FAM184B: variants seen among roughly 807,000 people sequenced by gnomAD.
FAM184B encodes family with sequence similarity 184 member B, also known as protein FAM184B.
Under a neutral mutation model 135.9 loss-of-function variants are expected in FAM184B, and 111 were observed. That is an observed-to-expected ratio of 0.82 (90% CI 0.70 to 0.96). FAM184B has a LOEUF of 0.96. Among genes scored for constraint, FAM184B ranks in the 40% least tolerant of loss-of-function variants. FAM184B has a pLI of 0.00. For missense variants in FAM184B, 1,375 were observed against 1,323.9 expected (o/e 1.04, Z -0.60); for synonymous variants, 552 against 524.8 (o/e 1.05, Z -0.71).
chr4:17,637,076 C>A (rs1715164953), intron 14 of FAM184B, among the ~76,000 whole-genome samples: 1 of 152,112 alleles, frequency 6.6e-6, no homozygotes, highest in Non-Finnish European at 1.5e-5. Context: ...GCCCAGGCTG[C>A]AGTGCAATGG....
intron 1 of FAM184B, among the ~76,000 whole-genome samples, chr4:17,767,327 C>T (rs1718722751): frequency 6.6e-6 from 1 of 152,220 alleles, no homozygotes; most frequent in Non-Finnish European, 1.5e-5. Context: ...AGCCCCGAGC[C>T]AGCTAGGGCT....
chr4:17,759,761 A>G (rs1718501796), intron 1 of FAM184B, among the ~76,000 whole-genome samples: 2 of 152,012 alleles, frequency 1.3e-5, no homozygotes, highest in Admixed American at 1.3e-4. Context: ...CTCCCAAAGT[A>G]CTGGGTTTAC....
At chr4:17,637,870 A>G (rs1715192850) in intron 14 of FAM184B, among the ~76,000 whole-genome samples, 1 of 152,096 alleles carries the variant, frequency 6.6e-6, no homozygotes, top group African/African-American at 2.4e-5. Flanking sequence ...AAGGCAAGTC[A>G]GGCCATGTCA....
chr4:17,664,586 CCTT>C lies in FAM184B; in HGVS notation c.1667_1669del (p.Glu556del). 6.4e-7 allele frequency: 1 copy of C among 1,551,644 alleles called. No individual in the cohort carries two copies. On this transcript the variant is annotated inframe_deletion, in exon 8 of 18. Coordinates refer to ENST00000265018, the MANE Select transcript of FAM184B (RefSeq NM_015688.2). Reference sequence around the variant, plus strand: ...CCTTTCTTCTTCATCACTGCTGGTTCCTTCTTCAGCTGCTAACTTATCTTGATA... The same window carrying C: ...CCTTTCTTCTTCATCACTGCTGGTTCCTTCAGCTGCTAACTTATCTTGATA...
At chr4:17,657,254 T>C (rs988376484) in intron 10 of FAM184B, among the ~76,000 whole-genome samples, 1 of 152,210 alleles carries the variant, frequency 6.6e-6, no homozygotes, top group African/African-American at 2.4e-5. Flanking sequence ...ATTTTCCACA[T>C]GGCCAAATCT....
chr4:17,632,840 T>G, intron 17 of FAM184B: 1 of 436,024 alleles, frequency 2.3e-6, no homozygotes. Context: ...GGTTCACCAT[T>G]GTTTGGTTCT....
At chr4:17,684,138 T>G (rs1469869262) in intron 7 of FAM184B, among the ~76,000 whole-genome samples, 1 of 119,324 alleles carries the variant, frequency 8.4e-6, no homozygotes, top group East Asian at 2.9e-4. Context: ...AATAATTATA[T>G]ATAAAATAAT....
rs772721882 is a variant in FAM184B at position 17,642,224 on chromosome 4, C to T, written c.2351G>A (p.Arg784Gln). Reference sequence around the variant, plus strand: ...GGAGCCGGCCTGGCCCGGGCCGCCCCGCTCCTGAGGAAGGCAACCAGGAGA... The same window carrying T: ...GGAGCCGGCCTGGCCCGGGCCGCCCTGCTCCTGAGGAAGGCAACCAGGAGA... ...SKDHIIATEE[R>Q]GGPGQAGSPP... The change falls in exon 13 of 18, where the codon CGG becomes CAG. Residue 784 changes from arginine to glutamine, a missense_variant. Coordinates refer to ENST00000265018, the MANE Select transcript of FAM184B (RefSeq NM_015688.2). 6.8e-5 allele frequency: 102 copies of T among 1,493,962 alleles called. No homozygotes were observed. In the South Asian group the frequency reaches 1.1e-3, roughly 17 times the overall value. 92.5% of individuals were successfully genotyped at this position (1,493,962 alleles called of 1,614,324 possible). A position where few individuals can be genotyped will look rare whatever the true frequency, so the allele number is the denominator to read the frequency against.
chr4:17,639,675 T>C (rs1172833502), intron 13 of FAM184B, among the ~76,000 whole-genome samples: 1 of 152,064 alleles, frequency 6.6e-6, no homozygotes, highest in African/African-American at 2.4e-5. Flanking sequence ...AGAGCAGCCC[T>C]GCAGGGGAGC....
chr4:17,642,911 C>T (rs1385593712), intron 12 of FAM184B, among the ~76,000 whole-genome samples: 1 of 152,168 alleles, frequency 6.6e-6, no homozygotes, highest in Non-Finnish European at 1.5e-5. Flanking sequence ...TTCCAGTTTT[C>T]AAATTCACTC....
At chr4:17,669,235 A>G (rs1478096234) in intron 7 of FAM184B, among the ~76,000 whole-genome samples, 1 of 152,162 alleles carries the variant, frequency 6.6e-6, no homozygotes, top group African/African-American at 2.4e-5. Flanking sequence ...AGAGGCTAAA[A>G]GGTCCTCCTG....
intron 11 of FAM184B, among the ~76,000 whole-genome samples, chr4:17,650,137 C>T (rs533154033): frequency 3.9e-5 from 6 of 151,914 alleles, no homozygotes; most frequent in African/African-American, 1.4e-4. Context: ...TCTGTCCCTC[C>T]ACCTGTCCAC....
chr4:17,723,194 T>A (rs1333414090), intron 1 of FAM184B, among the ~76,000 whole-genome samples: 1 of 152,254 alleles, frequency 6.6e-6, no homozygotes, highest in African/African-American at 2.4e-5. Context: ...ATGATAAATA[T>A]AAACATATTG....
At chr4:17,753,938 A>C (rs1718362761) in intron 1 of FAM184B, among the ~76,000 whole-genome samples, 1 of 152,236 alleles carries the variant, frequency 6.6e-6, no homozygotes, top group Admixed American at 6.5e-5. Context: ...CTAAGGGTAG[A>C]ATTTATGGTA....
intron 1 of FAM184B, among the ~76,000 whole-genome samples, chr4:17,726,084 C>T (rs1164650848): frequency 6.6e-6 from 1 of 151,754 alleles, no homozygotes; most frequent in Non-Finnish European, 1.5e-5. Context: ...CCACCACGCC[C>T]AGCTAATTTT....
chr4:17,714,519 C>T (rs1462521222), intron 1 of FAM184B, among the ~76,000 whole-genome samples: 1 of 152,116 alleles, frequency 6.6e-6, no homozygotes, highest in East Asian at 1.9e-4. Context: ...ATCTTTATGG[C>T]AATAACTACC....
At chr4:17,660,903 G>C (rs1034645401) in intron 8 of FAM184B, among the ~76,000 whole-genome samples, 1 of 152,090 alleles carries the variant, frequency 6.6e-6, no homozygotes, top group Admixed American at 6.6e-5. Context: ...TTAGGGTCTC[G>C]GGCTGTGAGA....
At chr4:17,767,196 C>T (rs1225426050) in intron 1 of FAM184B, among the ~76,000 whole-genome samples, 2 of 152,316 alleles carry the variant, frequency 1.3e-5, no homozygotes, top group Non-Finnish European at 2.9e-5. Flanking sequence ...TCCCTGCACA[C>T]CTCGTGGCAA....
chr4:17,658,442 TG>T lies in FAM184B; in HGVS notation c.1944del (p.Thr649LeufsTer7). 1.3e-6 allele frequency: 2 copies of T among 1,551,596 alleles called. No homozygotes were observed. The highest frequency in any genetic ancestry group is 1.7e-6 in the Non-Finnish European group (2 of 1,146,976). On this transcript the variant is annotated frameshift_variant, in exon 10 of 18. Coordinates refer to ENST00000265018, the MANE Select transcript of FAM184B (RefSeq NM_015688.2). LOFTEE classifies it high-confidence loss of function. ...GCTTTCATGGCGTGGTTCTGCTGAGTGGTCTCCTGGAGCTCACGCTGCAGCT... is the reference window on the plus strand; with the variant it reads ...GCTTTCATGGCGTGGTTCTGCTGAGTGTCTCCTGGAGCTCACGCTGCAGCT... ...REKLQRELQE[T>X]TQQNHAMKAQ...
Sources: allele counts gnomAD v4.1 joint callset (sites outside exome capture counted in the v4.1 genomes callset), GRCh38; gene constraint gnomAD v4.1.1; transcripts MANE v1.5; gene names NCBI Gene and HGNC (gene_info 2026-07-23, HGNC 2026-07-21).